Variants in KRT86 observed in about 807,000 individuals in gnomAD.
The protein encoded by KRT86 is keratin 86.
In KRT86, 30 loss-of-function variants were observed where a neutral mutation model predicts 41.2. That is an observed-to-expected ratio of 0.73 (90% confidence interval 0.54 to 0.99). The LOEUF (loss-of-function observed/expected upper bound fraction) is 0.99. Ranked by LOEUF, KRT86 falls within the 50% of genes least tolerant of loss-of-function variation. The pLI is 0.00. For missense variants in KRT86, 561 were observed against 571.4 expected (o/e 0.98, Z 0.19); for synonymous variants, 238 against 238.1 (o/e 1.00, Z 0.00).
chr12:52,298,695 A>G (rs891426581), intron 2 of KRT86, among the ~76,000 whole-genome samples: 1 of 152,256 alleles, frequency 6.6e-6, no homozygotes. Flanking sequence ...CTGAGTTTAC[A>G]CAGCTAGAGA....
At chr12:52,286,807 A>G (rs1415335857) in intron 2 of KRT86, 1 of 1,613,952 alleles carries the variant, frequency 6.2e-7, no homozygotes, top group African/African-American at 1.3e-5. Flanking sequence ...TCACAGCCCC[A>G]ATGCCTTCAC....
chr12:52,287,597 T>C (rs1304171620), intron 2 of KRT86: 1 of 1,613,842 alleles, frequency 6.2e-7, no homozygotes, highest in African/African-American at 1.3e-5. Context: ...GCCCCATACC[T>C]GGCACTTGGC....
chr12:52,300,659 C>A (rs752593971), intron 2 of KRT86, among the ~76,000 whole-genome samples: 3 of 152,226 alleles, frequency 2.0e-5, no homozygotes, highest in Non-Finnish European at 4.4e-5. Context: ...TGTTCTCTGG[C>A]ACCTGCCAAG....
intron 2 of KRT86, among the ~76,000 whole-genome samples, chr12:52,297,831 C>T (rs749203533): frequency 2.0e-5 from 3 of 152,218 alleles, no homozygotes; most frequent in Non-Finnish European, 4.4e-5. Flanking sequence ...TTCCATTTGT[C>T]CATCTGCAAT....
chr12:52,293,707 A>G (rs1938188031), intron 2 of KRT86, among the ~76,000 whole-genome samples: 1 of 152,204 alleles, frequency 6.6e-6, no homozygotes, highest in African/African-American at 2.4e-5. Context: ...GTATATGGCA[A>G]TACTTTGATA....
At chr12:52,292,014 A>AT (rs1938142512) in intron 2 of KRT86, among the ~76,000 whole-genome samples, 1 of 152,106 alleles carries the variant, frequency 6.6e-6, no homozygotes, top group African/African-American at 2.4e-5. Context: ...ACAAATCTGG[A>AT]TTTCCCCATC....
intron 2 of KRT86, among the ~76,000 whole-genome samples, chr12:52,282,725 G>C (rs913494797): frequency 5.3e-5 from 8 of 152,054 alleles, no homozygotes; most frequent in Non-Finnish European, 1.0e-4. Context: ...CCATCACTAC[G>C]CCCACTTTAG....
intron 2 of KRT86, among the ~76,000 whole-genome samples, chr12:52,294,276 C>A (rs1333940859): frequency 6.6e-6 from 1 of 152,190 alleles, no homozygotes; most frequent in Non-Finnish European, 1.5e-5. Flanking sequence ...CAGTATAACT[C>A]CTTATAAAAA....
At chr12:52,301,265 A>G (rs1938366268) in intron 2 of KRT86, among the ~76,000 whole-genome samples, 1 of 151,758 alleles carries the variant, frequency 6.6e-6, no homozygotes, top group African/African-American at 2.4e-5. Context: ...GAGAGAGAGA[A>G]AAAAACATGT....
Position 52,302,163 on chromosome 12 carries a change from G to C in KRT86, c.247G>C (p.Val83Leu). ...PSPPCITTVSVNESLLTPLNL... is the reference protein window; with the variant it reads ...PSPPCITTVSLNESLLTPLNL... ...TCCCCCATGCATCACCACCGTGTCG[G>C]TCAACGAGAGCCTCCTCACGCCCCT... The change falls in exon 3 of 11, where the codon GTC becomes CTC. Residue 83 changes from valine (V) to leucine (L), a missense_variant. Val to Leu is a conservative substitution (Grantham distance 32). Around this residue, in one of 3 missense-constraint regions of KRT86, gnomAD observed 164 missense variants for 172.5 expected, o/e 0.95. Transcript: ENST00000423955. The C allele has an allele frequency of 6.8e-7, 1 of 1,462,216 alleles. No individual in the cohort carries two copies. The highest frequency in any genetic ancestry group is 2.5e-5 in the East Asian group (1 of 40,434). 90.6% of individuals were successfully genotyped at this position (1,462,216 alleles called of 1,614,324 possible).
At chr12:52,277,938 C>T (rs910643167) in intron 2 of KRT86, among the ~76,000 whole-genome samples, 14 of 152,190 alleles carry the variant, frequency 9.2e-5, no homozygotes, top group African/African-American at 1.7e-4. Context: ...GCACCTGGGA[C>T]GGGGTGACCC....
intron 2 of KRT86, among the ~76,000 whole-genome samples, chr12:52,285,385 A>G (rs1188750131): frequency 1.3e-5 from 2 of 152,134 alleles, no homozygotes; most frequent in East Asian, 3.8e-4. Context: ...AAGAAAGCCA[A>G]CATCAAAGGC....
intron 2 of KRT86, among the ~76,000 whole-genome samples, chr12:52,293,761 C>G (rs1333402978): frequency 6.6e-6 from 1 of 152,128 alleles, no homozygotes; most frequent in Non-Finnish European, 1.5e-5. Context: ...CCCCCCACTC[C>G]AATAGAGCAG....
In KRT86 at chr12:52,300,890, A is replaced by G. The variant is rs371957369; in HGVS notation, c.-4-1023A>G. Among the ~76,000 whole-genome samples the G allele has an allele frequency of 2.4e-4, 37 of 152,284 alleles. No individual in the cohort carries two copies. In the South Asian group the frequency reaches 6.2e-3, roughly 26 times the overall value. On this transcript the variant is annotated intron_variant, in intron 2 of 10. Transcript: ENST00000423955. ...GCCTGAGAGGACATCCAGACATTCA[A>G]TCCTTGTCTAGGGCCTTGTGGGAGG...
chr12:52,279,998 T>A (rs1937735028), intron 2 of KRT86, among the ~76,000 whole-genome samples: 1 of 151,864 alleles, frequency 6.6e-6, no homozygotes, highest in South Asian at 2.1e-4. Context: ...AAGGGTGAGA[T>A]GGGGATTGGG....
chr12:52,290,971 G>A, intron 2 of KRT86: 1 of 384,226 alleles, frequency 2.6e-6, no homozygotes, highest in South Asian at 2.2e-5. Flanking sequence ...GTGTCTGTGT[G>A]CCTCGCCCAT....
At chr12:52,276,192 A>G (rs1314407154) in intron 2 of KRT86, among the ~76,000 whole-genome samples, 1 of 152,102 alleles carries the variant, frequency 6.6e-6, no homozygotes, top group East Asian at 1.9e-4. Flanking sequence ...TTGTTTGTAC[A>G]TTATTATCTT....
rs957968215 is a variant in KRT86 at position 52,304,846 on chromosome 12, G to A, written c.640-86G>A. The A allele has an allele frequency of 6.2e-6, 9 of 1,456,164 alleles. No homozygotes were observed. In the East Asian group the frequency reaches 1.6e-4, roughly 26 times the overall value. The allele number at this position is 1,456,164 out of a possible 1,614,324, so 90.2% of individuals were successfully genotyped here. ...GAGACACTGGGGACTCCTTTCCCCA[G>A]GCTTCATGGAATGGGTGGGAAGAGA... On this transcript the variant is annotated intron_variant, in intron 5 of 10. Coordinates refer to ENST00000423955, the MANE Select transcript of KRT86 (RefSeq NM_001320198.2).
intron 1 of KRT86, 101 bp from the exon 2 acceptor site, chr12:52,275,720 C>A (rs972542708): frequency 1.2e-5 from 4 of 326,950 alleles, no homozygotes; most frequent in South Asian, 1.2e-4. Flanking sequence ...AAGGGATGCC[C>A]AGAGAAGCTA....
Sources: allele counts gnomAD v4.1 joint callset (sites outside exome capture counted in the v4.1 genomes callset), GRCh38; gene constraint gnomAD v4.1.1; regional missense constraint gnomAD v4.1.1; transcripts MANE v1.5; gene names NCBI Gene and HGNC (gene_info 2026-07-23, HGNC 2026-07-21).